CFAP44: variants seen among roughly 807,000 people sequenced by gnomAD.
CFAP44 encodes the protein cilia and flagella associated protein 44, also known as cilia- and flagella-associated protein 44.
In CFAP44, 134 loss-of-function variants were observed where a neutral mutation model predicts 216.2. The ratio of observed to expected loss-of-function variants is 0.62; its 90% CI spans 0.54 to 0.72. The LOEUF (loss-of-function observed/expected upper bound fraction) is 0.72. CFAP44 is among the 30% of genes least tolerant of loss of function. CFAP44 has a pLI of 0.00. For synonymous variants in CFAP44, 700 were observed against 727.6 expected, an observed-to-expected ratio of 0.96 and a Z score of 0.61; for missense variants, 2,035 against 2,182.1, an observed-to-expected ratio of 0.93 and a Z score of 1.34.
chr3:113,420,758 C>T (rs969369623), intron 4 of CFAP44, among the ~76,000 whole-genome samples: 4 of 151,972 alleles, frequency 2.6e-5, no homozygotes, highest in Non-Finnish European at 5.9e-5. Context: ...TTTTAACACA[C>T]CATTTGATAA....
intron 31 of CFAP44, 42 bp from the exon 32 acceptor site, chr3:113,304,159 C>G: frequency 1.3e-6 from 2 of 1,513,042 alleles, no homozygotes; most frequent in Non-Finnish European, 1.8e-6. Context: ...GACAAAAACA[C>G]AGATTTTGTA....
chr3:113,433,396 T>A (rs1403888488), intron 2 of CFAP44, among the ~76,000 whole-genome samples, 169 bp downstream of exon 2: 2 of 102,476 alleles, frequency 2.0e-5, no homozygotes, highest in Non-Finnish European at 1.8e-5. Context: ...ACCATTGCAC[T>A]ATAGCCTGGG....
chr3:113,325,147 G>A (rs372668448), intron 28 of CFAP44, among the ~76,000 whole-genome samples: 1 of 151,314 alleles, frequency 6.6e-6, no homozygotes, highest in South Asian at 2.1e-4. Flanking sequence ...ACTAAAAATA[G>A]AAAAATTAGC....
chr3:113,431,885 TAGTC>T (rs745693251), intron 2 of CFAP44, among the ~76,000 whole-genome samples: 11 of 152,208 alleles, frequency 7.2e-5, no homozygotes, highest in East Asian at 1.9e-4. Flanking sequence ...AACATCGTGA[TAGTC>T]AGTCAGAAAG....
chr3:113,390,615 A>T (rs1470238120), intron 15 of CFAP44, among the ~76,000 whole-genome samples: 1 of 152,136 alleles, frequency 6.6e-6, no homozygotes, highest in Non-Finnish European at 1.5e-5. Flanking sequence ...CCACCAAAAA[A>T]CTATTAGAAC....
At chr3:113,333,659 T>C in intron 24 of CFAP44, 76 bp from the exon 25 acceptor site, 1 of 1,341,710 alleles carries the variant, frequency 7.5e-7, no homozygotes, top group South Asian at 2.0e-5. Context: ...AATATAGGCA[T>C]ATATTCAAAT....
chr3:113,426,015 A>G, intron 4 of CFAP44, 109 bp downstream of exon 4: 1 of 1,337,704 alleles, frequency 7.5e-7, no homozygotes, highest in Admixed American at 2.3e-5. Flanking sequence ...AACTTGATTT[A>G]CCAAAACAGG....
At chr3:113,342,210 G>C (rs190307717) in intron 23 of CFAP44, among the ~76,000 whole-genome samples, 1 of 152,100 alleles carries the variant, frequency 6.6e-6, no homozygotes, top group African/African-American at 2.4e-5. Context: ...GTGCATTCCT[G>C]TAATCTCAGC....
At chr3:113,439,229 GA>G (rs1935303001) in intron 1 of CFAP44, among the ~76,000 whole-genome samples, 1 of 152,112 alleles carries the variant, frequency 6.6e-6, no homozygotes, top group African/African-American at 2.4e-5. Flanking sequence ...AAAGTTGTCA[GA>G]ATTAGAATGG....
At chr3:113,314,410 C>T (rs1950068538) in intron 28 of CFAP44, among the ~76,000 whole-genome samples, 1 of 152,004 alleles carries the variant, frequency 6.6e-6, no homozygotes, top group Admixed American at 6.5e-5. Context: ...GTAGTGTCAA[C>T]CTAGGATTCT....
At chr3:113,362,691 T>C (rs1054398039) in intron 21 of CFAP44, among the ~76,000 whole-genome samples, 2 of 152,212 alleles carry the variant, frequency 1.3e-5, no homozygotes, top group African/African-American at 2.4e-5. Flanking sequence ...CATCACATTT[T>C]TCACACAGTC....
At chr3:113,344,401 G>C in intron 23 of CFAP44, 115 bp downstream of exon 23, 1 of 839,084 alleles carries the variant, frequency 1.2e-6, no homozygotes, top group Non-Finnish European at 1.8e-6. Flanking sequence ...GGAAGGAAGA[G>C]GGGCAAGAGA....
At chr3:113,355,070 G>A (rs932494951) in intron 22 of CFAP44, among the ~76,000 whole-genome samples, 3 of 152,142 alleles carry the variant, frequency 2.0e-5, no homozygotes, top group African/African-American at 7.2e-5. Context: ...GGGACCCAGG[G>A]GAAAGGGTGG....
chr3:113,433,361 G>A (rs562175607), intron 2 of CFAP44, among the ~76,000 whole-genome samples: 27 of 142,292 alleles, frequency 1.9e-4, no homozygotes, highest in Non-Finnish European at 3.3e-4. Context: ...CCCAGAAGAC[G>A]GAGGTTATAG....
intron 12 of CFAP44, 28 bp downstream of exon 12, chr3:113,400,517 C>T (rs772367833): frequency 4.6e-6 from 7 of 1,511,688 alleles, no homozygotes; most frequent in African/African-American, 2.8e-5. Context: ...CAAGGCCAGA[C>T]ATATTTTTAT....
intron 5 of CFAP44, 62 bp downstream of exon 5, chr3:113,419,955 C>T (rs1576602914): frequency 6.4e-7 from 1 of 1,553,038 alleles, no homozygotes; most frequent in Non-Finnish European, 8.8e-7. Context: ...GTTGGCTGGT[C>T]CACAGAACAA....
chr3:113,327,399 G>C (rs972438385), intron 27 of CFAP44, among the ~76,000 whole-genome samples: 1 of 149,404 alleles, frequency 6.7e-6, no homozygotes, highest in African/African-American at 2.5e-5. Context: ...CAGAATATCA[G>C]ACCAAATTTA....
rs1036808495 is a variant in CFAP44 at position 113,288,345 on chromosome 3, G to A, written c.*3212C>T. The A allele has an allele frequency of 1.3e-5, 2 of 152,300 alleles. No homozygotes were observed. The highest frequency in any genetic ancestry group is 2.9e-5 in the Non-Finnish European group (2 of 68,036). 9.4% of individuals were successfully genotyped at this position (152,300 alleles called of 1,614,324 possible). On this transcript the variant is annotated 3_prime_UTR_variant, in exon 35 of 35. Transcript: ENST00000393845. ...GTCAGAGAGAACTTCATGTGGAAGT[G>A]CAGCATGGTTTTCAGGAAAGCAGTA...
At chr3:113,293,581 T>A (rs1576532190) in intron 34 of CFAP44, among the ~76,000 whole-genome samples, 1 of 152,242 alleles carries the variant, frequency 6.6e-6, no homozygotes, top group Non-Finnish European at 1.5e-5. Flanking sequence ...TCTGGACTGA[T>A]CAAAGCACAT....
Sources: gnomAD v4.1 joint callset for allele counts (sites outside exome capture counted in the v4.1 genomes callset) on GRCh38, gnomAD v4.1.1 for gene constraint, MANE v1.5 for transcripts, NCBI Gene and HGNC (gene_info 2026-07-23, HGNC 2026-07-21) for gene names.